Variants in KSR2 observed in about 807,000 individuals in gnomAD.
The protein encoded by KSR2 is kinase suppressor of ras 2.
A neutral mutation model predicts 107.8 loss-of-function variants in KSR2; 25 were observed. The observed-to-expected ratio is 0.23, with a 90% CI of 0.17 to 0.32. The LOEUF (loss-of-function observed/expected upper bound fraction) is 0.32, where lower values mean the gene tolerates loss of function less well. Ranked by LOEUF, KSR2 falls within the 10% of genes least tolerant of loss-of-function variation. The probability of loss-of-function intolerance (pLI) is 1.00; values close to 1 mark genes in which losing one functional copy is unlikely to be tolerated. For missense variants in KSR2, 887 were observed against 1,268.9 expected (o/e 0.70, Z 4.57); for synonymous variants, 480 against 507.0 (o/e 0.95, Z 0.71).
chr12:117,628,283 A>G (rs558506816), intron 5 of KSR2, among the ~76,000 whole-genome samples: 1 of 152,146 alleles, frequency 6.6e-6, no homozygotes, highest in African/African-American at 2.4e-5. Flanking sequence ...AGGCGCTCTG[A>G]TTTTTAGAAT....
intron 3 of KSR2, among the ~76,000 whole-genome samples, chr12:117,833,804 T>C (rs997183148): frequency 6.6e-6 from 1 of 152,010 alleles, no homozygotes; most frequent in South Asian, 2.1e-4. Context: ...GAACCCACCT[T>C]GATGTCATAA....
intron 3 of KSR2, among the ~76,000 whole-genome samples, chr12:117,780,974 T>C (rs910483783): frequency 6.6e-6 from 1 of 152,202 alleles, no homozygotes; most frequent in Non-Finnish European, 1.5e-5. Flanking sequence ...GCTTTGGCTG[T>C]GACCCCACCC....
intron 4 of KSR2, among the ~76,000 whole-genome samples, chr12:117,705,077 A>C (rs1593150513): frequency 6.6e-6 from 1 of 152,140 alleles, no homozygotes; most frequent in Admixed American, 6.5e-5. Context: ...TAGGCAGGCC[A>C]GGGCCTGCCT....
chr12:117,584,861 G>A (rs1879895816), intron 5 of KSR2, among the ~76,000 whole-genome samples: 1 of 152,156 alleles, frequency 6.6e-6, no homozygotes, highest in African/African-American at 2.4e-5. Flanking sequence ...AAAACAAAAG[G>A]AGCTCAGAGA....
rs995155621 is a variant in KSR2, at chr12:117,460,096, A to T, written c.*7103T>A. On this transcript the variant is annotated 3_prime_UTR_variant, in exon 20 of 20. Coordinates refer to ENST00000339824, the MANE Select transcript of KSR2 (RefSeq NM_173598.6). ...ATTTCCAATGCATGCTTGTCCCAGG[A>T]CCCTTTCAATAATGCAAATCCGGCG... The T allele has an allele frequency of 6.6e-6, 1 of 152,204 alleles. No individual in the cohort carries two copies. 9.4% of individuals were successfully genotyped at this position (152,204 alleles called of 1,614,324 possible). A position where few individuals can be genotyped will look rare whatever the true frequency, so the allele number is the denominator to read the frequency against.
chr12:117,549,445 A>C (rs1877125626), intron 9 of KSR2, among the ~76,000 whole-genome samples: 1 of 152,170 alleles, frequency 6.6e-6, no homozygotes, highest in African/African-American at 2.4e-5. Context: ...TTTAAAAAAA[A>C]AACCATATAG....
intron 3 of KSR2, among the ~76,000 whole-genome samples, chr12:117,839,608 T>C (rs1892380340): frequency 6.6e-6 from 1 of 152,202 alleles, no homozygotes; most frequent in African/African-American, 2.4e-5. Context: ...CAGTCTAATA[T>C]GGGAGATTTA....
At chr12:117,671,392 AAC>A (rs1884901456) in intron 4 of KSR2, among the ~76,000 whole-genome samples, 1 of 152,216 alleles carries the variant, frequency 6.6e-6, no homozygotes, top group Non-Finnish European at 1.5e-5. Flanking sequence ...GATTGATGGC[AAC>A]AGTTTCCTAT....
intron 10 of KSR2, among the ~76,000 whole-genome samples, chr12:117,534,588 T>C (rs777498756): frequency 6.6e-6 from 1 of 152,156 alleles, no homozygotes; most frequent in South Asian, 2.1e-4. Flanking sequence ...ATACTTTTCA[T>C]GAGAACTGGG....
At chr12:117,641,358 C>G (rs1457606454) in intron 5 of KSR2, among the ~76,000 whole-genome samples, 1 of 152,110 alleles carries the variant, frequency 6.6e-6, no homozygotes, top group Non-Finnish European at 1.5e-5. Flanking sequence ...CTCTGCCTCC[C>G]AAGGTTAGAA....
intron 3 of KSR2, among the ~76,000 whole-genome samples, chr12:117,777,892 G>T (rs1459846150): frequency 6.6e-6 from 1 of 151,918 alleles, no homozygotes; most frequent in East Asian, 1.9e-4. Flanking sequence ...AATTAGCAGG[G>T]TATGGTGGCA....
chr12:117,779,634 T>C (rs1448426916), intron 3 of KSR2, among the ~76,000 whole-genome samples: 1 of 152,148 alleles, frequency 6.6e-6, no homozygotes, highest in African/African-American at 2.4e-5. Context: ...CCCTGTGCTG[T>C]TCTCATGATA....
At chr12:117,678,117 T>A (rs895878812) in intron 4 of KSR2, among the ~76,000 whole-genome samples, 3 of 150,976 alleles carry the variant, frequency 2.0e-5, no homozygotes, top group Non-Finnish European at 4.4e-5. Flanking sequence ...TTTTTTTTTT[T>A]TTTTTGTATT....
chr12:117,946,081 G>A (rs904229085), intron 1 of KSR2, among the ~76,000 whole-genome samples: 1 of 152,162 alleles, frequency 6.6e-6, no homozygotes, highest in Non-Finnish European at 1.5e-5. Context: ...GTAGTTCTTA[G>A]AGGAAAATTT....
At chr12:117,733,148 G>A (rs1005441763) in intron 4 of KSR2, among the ~76,000 whole-genome samples, 1 of 152,112 alleles carries the variant, frequency 6.6e-6, no homozygotes, top group Non-Finnish European at 1.5e-5. Context: ...GACAGGTCCT[G>A]TCCCTCCAGG....
intron 14 of KSR2, among the ~76,000 whole-genome samples, chr12:117,491,081 C>T (rs1165576645): frequency 6.6e-6 from 1 of 152,178 alleles, no homozygotes; most frequent in African/African-American, 2.4e-5. Flanking sequence ...CTCCACTCCC[C>T]ATACTCCCCA....
intron 4 of KSR2, among the ~76,000 whole-genome samples, chr12:117,757,505 C>A (rs1262873323): frequency 2.6e-5 from 4 of 152,200 alleles, no homozygotes; most frequent in African/African-American, 9.6e-5. Flanking sequence ...GAAAGAAGTT[C>A]TACTAGGCTA....
At chr12:117,539,496 C>T (rs1876307127) in intron 10 of KSR2, 1 of 483,786 alleles carries the variant, frequency 2.1e-6, no homozygotes. Flanking sequence ...GCTGATAATG[C>T]TTACCTTGTG....
chr12:117,889,294 G>T (rs778717938), intron 1 of KSR2, among the ~76,000 whole-genome samples: 1 of 152,156 alleles, frequency 6.6e-6, no homozygotes. Flanking sequence ...CGAGCAGCCG[G>T]GTGTGGAGGG....
Sources: allele counts gnomAD v4.1 joint callset (sites outside exome capture counted in the v4.1 genomes callset), GRCh38; gene constraint gnomAD v4.1.1; transcripts MANE v1.5; gene names NCBI Gene and HGNC (gene_info 2026-07-23, HGNC 2026-07-21).